TBL1X: variants seen among roughly 807,000 people sequenced by gnomAD.
TBL1X encodes transducin beta like 1 X-linked.
A neutral mutation model predicts 50.7 loss-of-function variants in TBL1X; 10 were observed. That is an observed-to-expected ratio of 0.20 (90% CI 0.12 to 0.33). The LOEUF is 0.33. Ranked by LOEUF, TBL1X falls within the 10% of genes least tolerant of loss-of-function variation. The probability of loss-of-function intolerance (pLI) is 1.00; values close to 1 mark genes in which losing one functional copy is unlikely to be tolerated. For missense variants in TBL1X, 340 were observed against 504.4 expected (o/e 0.67, Z 3.12); for synonymous variants, 190 against 214.7 (o/e 0.88, Z 1.01).
intron 2 of TBL1X, among the ~76,000 whole-genome samples, chrX:9,564,026 C>T (rs760587961): frequency 1.8e-5 from 2 of 112,634 alleles, no homozygotes; most frequent in Admixed American, 9.4e-5. Context: ...AACAGCAACA[C>T]GTGAAGTTAG....
intron 2 of TBL1X, among the ~76,000 whole-genome samples, chrX:9,577,601 C>T (rs898930719): frequency 2.7e-5 from 3 of 112,105 alleles, no homozygotes; most frequent in Non-Finnish European, 5.6e-5. Context: ...GGACACTGCT[C>T]AACATCCCAC....
intron 5 of TBL1X, among the ~76,000 whole-genome samples, chrX:9,660,615 AT>A (rs2082892367): frequency 9.0e-6 from 1 of 111,284 alleles, no homozygotes; most frequent in South Asian, 3.8e-4. Context: ...TTTATTATAC[AT>A]TTTTCTTGCC....
At chrX:9,686,822 G>C (rs1192237683) in intron 6 of TBL1X, among the ~76,000 whole-genome samples, 1 of 112,567 alleles carries the variant, frequency 8.9e-6, no homozygotes. Context: ...AAGGAGGAAG[G>C]GGGTGTGGGA....
chrX:9,490,634 C>T (rs2081936302), intron 1 of TBL1X, among the ~76,000 whole-genome samples: 1 of 112,123 alleles, frequency 8.9e-6, no homozygotes, highest in African/African-American at 3.2e-5. Flanking sequence ...TGATTCTTTC[C>T]ATATAAGTAG....
At chrX:9,557,370 G>T (rs927783743) in intron 2 of TBL1X, among the ~76,000 whole-genome samples, 4 of 111,876 alleles carry the variant, frequency 3.6e-5, no homozygotes, top group East Asian at 5.6e-4. Context: ...TTGTGGATTT[G>T]CAGGGGAAAC....
intron 1 of TBL1X, among the ~76,000 whole-genome samples, chrX:9,477,400 G>C (rs1281012928): frequency 4.5e-5 from 5 of 112,184 alleles, no homozygotes; most frequent in Admixed American, 9.5e-5. Context: ...TGGCCCAGAT[G>C]TTCATTGGAG....
chrX:9,500,730 C>G (rs2081996981), intron 1 of TBL1X, among the ~76,000 whole-genome samples: 1 of 112,410 alleles, frequency 8.9e-6, no homozygotes, highest in Admixed American at 9.4e-5. Flanking sequence ...GGAGCTGAGA[C>G]ACTGAGTGTG....
intron 16 of TBL1X, among the ~76,000 whole-genome samples, chrX:9,713,724 G>A (rs1444983219): frequency 1.8e-5 from 2 of 110,576 alleles, no homozygotes; most frequent in Non-Finnish European, 3.8e-5. Context: ...CACCGCGCCC[G>A]GCCAAGAAAT....
chrX:9,604,662 C>T (rs992026233), intron 2 of TBL1X, among the ~76,000 whole-genome samples: 2 of 110,972 alleles, frequency 1.8e-5, no homozygotes, highest in African/African-American at 6.6e-5. Context: ...CATGACAAGA[C>T]GGGAATGCTG....
At chrX:9,503,412 A>G (rs2082011080) in intron 2 of TBL1X, among the ~76,000 whole-genome samples, 1 of 113,063 alleles carries the variant, frequency 8.8e-6, no homozygotes, top group Non-Finnish European at 1.9e-5. Flanking sequence ...AAGCTTACCA[A>G]ACTCCTCGGG....
chrX:9,607,682 A>G (rs2082590659), intron 2 of TBL1X, among the ~76,000 whole-genome samples: 1 of 112,963 alleles, frequency 8.9e-6, no homozygotes, highest in Admixed American at 9.3e-5. Flanking sequence ...CCTGCTTTCC[A>G]AGTCCAGCTG....
At chrX:9,580,241 A>G (rs1455219940) in intron 2 of TBL1X, among the ~76,000 whole-genome samples, 1 of 112,340 alleles carries the variant, frequency 8.9e-6, no homozygotes, top group Non-Finnish European at 1.9e-5. Context: ...ATGCGCACCC[A>G]TGACACAACC....
chrX:9,703,377 G>T (rs1252635515), intron 12 of TBL1X, among the ~76,000 whole-genome samples: 1 of 111,283 alleles, frequency 9.0e-6, no homozygotes, highest in Non-Finnish European at 1.9e-5. Flanking sequence ...GCATCGCATG[G>T]CCTTTTCTGC....
intron 7 of TBL1X, 26 bp downstream of exon 7, chrX:9,688,301 G>C: frequency 5.4e-6 from 6 of 1,107,630 alleles, no homozygotes; most frequent in Non-Finnish European, 7.2e-6. Flanking sequence ...CTGGGAGTTC[G>C]GTGGGCCTCT....
intron 2 of TBL1X, among the ~76,000 whole-genome samples, chrX:9,555,027 T>G (rs1447175217): frequency 2.7e-5 from 3 of 112,246 alleles, no homozygotes; most frequent in African/African-American, 9.7e-5. Context: ...TTCATTTAGT[T>G]TTCAAGGTTC....
At chrX:9,704,747 C>G (rs1412876677) in intron 12 of TBL1X, among the ~76,000 whole-genome samples, 1 of 110,615 alleles carries the variant, frequency 9.0e-6, no homozygotes, top group Non-Finnish European at 1.9e-5. Context: ...TTTAAATTAG[C>G]TAGGCGTGAT....
At chrX:9,629,208 C>A (rs1018223050) in intron 2 of TBL1X, among the ~76,000 whole-genome samples, 1 of 113,068 alleles carries the variant, frequency 8.8e-6, no homozygotes, top group Admixed American at 9.3e-5. Flanking sequence ...CAGCAAACTA[C>A]TGCACACAGG....
chrX:9,564,083 A>G (rs186771639), intron 2 of TBL1X, among the ~76,000 whole-genome samples: 118 of 112,439 alleles, frequency 1.0e-3, no homozygotes, highest in African/African-American at 3.6e-3. Context: ...TTCCCTCAGA[A>G]TTTTGAAGGT....
At chrX:9,576,695 TA>T (rs146596930) in intron 2 of TBL1X, among the ~76,000 whole-genome samples, 1,999 of 72,360 alleles carry the variant, frequency 0.028, 28 homozygotes, top group East Asian at 0.12. Context: ...AGCACTACAT[TA>T]AAAAAAAAAA....
Sources: gnomAD v4.1 joint callset for allele counts (sites outside exome capture counted in the v4.1 genomes callset) on GRCh38, gnomAD v4.1.1 for gene constraint, MANE v1.5 for transcripts, NCBI Gene and HGNC (gene_info 2026-07-23, HGNC 2026-07-21) for gene names.